INPP4B: variants seen among roughly 807,000 people sequenced by gnomAD.
The protein encoded by INPP4B is inositol polyphosphate 4-phosphatase type II.
A neutral mutation model predicts 122.5 loss-of-function variants in INPP4B; 55 were observed. The observed-to-expected ratio is 0.45, with a 90% CI of 0.36 to 0.56. The LOEUF is 0.56. Ranked by LOEUF, INPP4B falls within the 20% of genes least tolerant of loss-of-function variation. INPP4B has a pLI of 0.00. For synonymous variants in INPP4B, 403 were observed against 388.7 expected, an observed-to-expected ratio of 1.04 and a Z score of -0.43; for missense variants, 1,000 against 1,097.7, an observed-to-expected ratio of 0.91 and a Z score of 1.26.
intron 21 of INPP4B, among the ~76,000 whole-genome samples, chr4:142,114,013 T>G (rs1791620295): frequency 6.6e-6 from 1 of 152,108 alleles, no homozygotes; most frequent in Non-Finnish European, 1.5e-5. Flanking sequence ...CTCTGTTTCC[T>G]ATGAATGAAT....
chr4:142,744,646 A>G (rs1768415723), intron 1 of INPP4B, among the ~76,000 whole-genome samples: 1 of 151,818 alleles, frequency 6.6e-6, no homozygotes, highest in Admixed American at 6.6e-5. Flanking sequence ...TGCTGAAAAA[A>G]TTTATTTGAG....
At chr4:142,058,309 TA>T (rs1381026280) in intron 25 of INPP4B, among the ~76,000 whole-genome samples, 1 of 152,200 alleles carries the variant, frequency 6.6e-6, no homozygotes, top group African/African-American at 2.4e-5. Context: ...CATATTATTA[TA>T]AAGCCTTGAA....
chr4:142,202,524 C>T (rs998118689), intron 14 of INPP4B, among the ~76,000 whole-genome samples: 3 of 152,044 alleles, frequency 2.0e-5, no homozygotes, highest in Non-Finnish European at 4.4e-5. Context: ...GATACTCTCA[C>T]ATTCTTGAGA....
chr4:142,040,027 A>G (rs1230810943), intron 25 of INPP4B, among the ~76,000 whole-genome samples: 1 of 151,660 alleles, frequency 6.6e-6, no homozygotes, highest in Non-Finnish European at 1.5e-5. Flanking sequence ...TGAAGTTTCC[A>G]TTGCGGGTTG....
chr4:142,603,125 G>C (rs1202774895), intron 2 of INPP4B, among the ~76,000 whole-genome samples: 2 of 151,978 alleles, frequency 1.3e-5, no homozygotes, highest in Admixed American at 1.3e-4. Flanking sequence ...AACCTATGCA[G>C]AAAAGGAAAA....
At chr4:142,440,391 T>A (rs1372434226) in intron 3 of INPP4B, among the ~76,000 whole-genome samples, 2 of 151,510 alleles carry the variant, frequency 1.3e-5, no homozygotes, top group Non-Finnish European at 2.9e-5. Flanking sequence ...AAGGGGAGAG[T>A]CCTGGCAATT....
intron 12 of INPP4B, among the ~76,000 whole-genome samples, chr4:142,236,644 CCTGT>C (rs1444646263): frequency 2.6e-5 from 4 of 152,196 alleles, no homozygotes; most frequent in Non-Finnish European, 4.4e-5. Flanking sequence ...AATCCAGTTT[CCTGT>C]CTAATTTCCC....
intron 2 of INPP4B, among the ~76,000 whole-genome samples, chr4:142,597,612 C>T (rs1359267420): frequency 6.6e-6 from 1 of 152,114 alleles, no homozygotes; most frequent in African/African-American, 2.4e-5. Context: ...ATCAGACATG[C>T]TGCATATAAA....
At chr4:142,074,080 C>T (rs540452961) in intron 25 of INPP4B, among the ~76,000 whole-genome samples, 6 of 152,086 alleles carry the variant, frequency 3.9e-5, no homozygotes, top group South Asian at 2.1e-4. Context: ...AAGGGATGCT[C>T]CTGTCTTATT....
At chr4:142,373,518 C>A (rs1790684513) in intron 7 of INPP4B, among the ~76,000 whole-genome samples, 1 of 151,968 alleles carries the variant, frequency 6.6e-6, no homozygotes. Flanking sequence ...AAATCCAGTT[C>A]TACTTCATAG....
At chr4:142,623,813 G>A (rs1262494715) in intron 2 of INPP4B, among the ~76,000 whole-genome samples, 1 of 150,756 alleles carries the variant, frequency 6.6e-6, no homozygotes, top group African/African-American at 2.4e-5. Context: ...GTGAGAAAAT[G>A]TAGTGTTTGG....
At chr4:142,052,414 C>T (rs562487593) in intron 25 of INPP4B, among the ~76,000 whole-genome samples, 3 of 151,968 alleles carry the variant, frequency 2.0e-5, no homozygotes, top group Non-Finnish European at 2.9e-5. Flanking sequence ...TGTGTTAAAC[C>T]GTGTTTATTA....
At chr4:142,649,796 G>A (rs1752556920) in intron 2 of INPP4B, among the ~76,000 whole-genome samples, 1 of 152,154 alleles carries the variant, frequency 6.6e-6, no homozygotes, top group African/African-American at 2.4e-5. Flanking sequence ...CGCTCTTCAG[G>A]ATATTATCCA....
chr4:142,571,944 A>C (rs567216893), intron 2 of INPP4B, among the ~76,000 whole-genome samples: 1 of 152,264 alleles, frequency 6.6e-6, no homozygotes, highest in African/African-American at 2.4e-5. Context: ...TAAATGAATA[A>C]ATTGCTTTTT....
chr4:142,792,775 A>AAG (rs1288346548), intron 1 of INPP4B, among the ~76,000 whole-genome samples: 1 of 152,104 alleles, frequency 6.6e-6, no homozygotes, highest in Non-Finnish European at 1.5e-5. Flanking sequence ...ATCATAGGTA[A>AAG]AGGGTTGATG....
chr4:142,653,474 T>C (rs903772071), intron 2 of INPP4B, among the ~76,000 whole-genome samples: 6 of 152,078 alleles, frequency 3.9e-5, no homozygotes, highest in African/African-American at 1.5e-4. Context: ...AATCTACCCA[T>C]CTGACAAACG....
intron 5 of INPP4B, among the ~76,000 whole-genome samples, chr4:142,425,013 A>G (rs919097441): frequency 6.6e-6 from 1 of 152,064 alleles, no homozygotes; most frequent in African/African-American, 2.4e-5. Context: ...ATCACAGGTT[A>G]CTCCTATTTT....
Position 142,205,942 on chromosome 4 carries a change from T to C in INPP4B, c.1072+2483A>G, listed in dbSNP as rs1017338806. ...AATCAAGGAAGAACTACTGTCTTAC[T>C]CCATTTTGTGCTGCTATAACATAAT... On this transcript the variant is annotated intron_variant, in intron 14 of 25. Transcript: ENST00000262992. Among the ~76,000 whole-genome samples, 5 of 152,118 alleles carry C rather than the reference T, an allele frequency of 3.3e-5. No homozygotes were observed. In the East Asian group the frequency reaches 5.8e-4, roughly 18 times the overall value.
chr4:142,698,954 T>C (rs1253824950), intron 2 of INPP4B, among the ~76,000 whole-genome samples: 1 of 152,128 alleles, frequency 6.6e-6, no homozygotes, highest in Non-Finnish European at 1.5e-5. Flanking sequence ...CCCTAGTATA[T>C]AAAACTAAAG....
Sources: gnomAD v4.1 joint callset for allele counts (sites outside exome capture counted in the v4.1 genomes callset) on GRCh38, gnomAD v4.1.1 for gene constraint, MANE v1.5 for transcripts, NCBI Gene and HGNC (gene_info 2026-07-23, HGNC 2026-07-21) for gene names.